SYT10: variants seen among roughly 807,000 people sequenced by gnomAD.
SYT10 encodes the protein synaptotagmin-10.
SYT10 carries 31 observed loss-of-function variants against 51.1 expected under a neutral mutation model. The ratio of observed to expected loss-of-function variants is 0.61; its 90% confidence interval spans 0.46 to 0.82. SYT10 has a LOEUF of 0.82. Ranked by LOEUF, SYT10 falls within the 40% of genes least tolerant of loss-of-function variation. The pLI is 0.00. For synonymous variants in SYT10, 233 were observed against 225.9 expected, an observed-to-expected ratio of 1.03 and a Z score of -0.28; for missense variants, 603 against 634.0, an observed-to-expected ratio of 0.95 and a Z score of 0.53.
intron 3 of SYT10, among the ~76,000 whole-genome samples, chr12:33,394,867 C>T (rs1866240437): frequency 6.6e-6 from 1 of 152,174 alleles, no homozygotes; most frequent in Non-Finnish European, 1.5e-5. Flanking sequence ...GCGGGCAGAC[C>T]ATGAGGTCAG....
intron 1 of SYT10, among the ~76,000 whole-genome samples, chr12:33,434,214 T>C (rs1233952985): frequency 6.6e-6 from 1 of 152,216 alleles, no homozygotes; most frequent in African/African-American, 2.4e-5. Context: ...GAACACACTC[T>C]GAAGAAAATC....
rs768233081 is a variant in SYT10 at position 33,376,170 on chromosome 12, A to G, written c.*660T>C. ...TGGCTCAGCCTCCGTTTTTCAGCCA[A>G]TAAGTATTACTTCTTAAATTTATAT... On this transcript the variant is annotated 3_prime_UTR_variant, in exon 7 of 7. Coordinates refer to ENST00000228567, the MANE Select transcript of SYT10 (RefSeq NM_198992.4). The G allele has an allele frequency of 6.6e-6, 1 of 152,220 alleles. No homozygotes were observed. The highest frequency in any genetic ancestry group is 2.4e-5 in the African/African-American group (1 of 41,460). The allele number at this position is 152,220 out of a possible 1,614,324, so 9.4% of individuals were successfully genotyped here.
intron 5 of SYT10, among the ~76,000 whole-genome samples, chr12:33,381,859 T>TA (rs1419366305): frequency 1.3e-5 from 2 of 152,336 alleles, no homozygotes; most frequent in East Asian, 3.9e-4. Flanking sequence ...TCCTTATGAC[T>TA]ACTTATTCAC....
intron 3 of SYT10, among the ~76,000 whole-genome samples, chr12:33,402,094 A>G (rs534789431): frequency 1.3e-5 from 2 of 152,288 alleles, no homozygotes; most frequent in East Asian, 3.9e-4. Context: ...CTACCTGAGC[A>G]CTACATTTCA....
chr12:33,381,273 A>G (rs1478894830), intron 5 of SYT10, among the ~76,000 whole-genome samples: 2 of 152,112 alleles, frequency 1.3e-5, no homozygotes, highest in East Asian at 3.8e-4. Context: ...GTGCTTGCAA[A>G]TGTTATTTTT....
At chr12:33,397,674 TG>T (rs778290466) in intron 3 of SYT10, among the ~76,000 whole-genome samples, 31 of 151,892 alleles carry the variant, frequency 2.0e-4, no homozygotes, top group Non-Finnish European at 3.7e-4. Context: ...AGATGCAGAC[TG>T]GTGAGGGAAC....
At chr12:33,433,691 A>T (rs1462489162) in intron 1 of SYT10, among the ~76,000 whole-genome samples, 12 of 152,204 alleles carry the variant, frequency 7.9e-5, no homozygotes, top group Non-Finnish European at 1.8e-4. Context: ...TGCTTGTTAT[A>T]TTTGGATGAT....
chr12:33,418,342 G>C (rs1866473029), intron 2 of SYT10, among the ~76,000 whole-genome samples: 1 of 152,024 alleles, frequency 6.6e-6, no homozygotes, highest in Non-Finnish European at 1.5e-5. Flanking sequence ...TCAACGCTCA[G>C]AAATTTATCC....
intron 1 of SYT10, among the ~76,000 whole-genome samples, chr12:33,436,571 A>C (rs1472203508): frequency 6.6e-6 from 1 of 152,200 alleles, no homozygotes; most frequent in Non-Finnish European, 1.5e-5. Context: ...TGAGATCCTC[A>C]ATGGCAACAA....
chr12:33,405,704 G>A (rs1417600253), intron 3 of SYT10: 6 of 151,508 alleles, frequency 4.0e-5, no homozygotes, highest in South Asian at 2.1e-4. Flanking sequence ...TGTAAGTTGC[G>A]ATACAACTCA....
rs767357670 is a variant in SYT10 at position 33,426,446 on chromosome 12, G to A, written c.201C>T (p.Ala67=). ...AGACAAAAAGTGAGACAACCAACAA[G>A]GCCAGTCCACAAAAGCTGACAACGA... ...LAVVVSFCGL[A]LLVVSLFVFW... Residue 67 remains alanine, a synonymous_variant, in exon 2 of 7, where the codon GCC becomes GCT. Transcript: ENST00000228567. The A allele has an allele frequency of 7.5e-6, 12 of 1,609,952 alleles. No individual in the cohort carries two copies. The highest frequency in any genetic ancestry group is 1.3e-5 in the African/African-American group (1 of 74,538).
At chr12:33,381,737 T>C (rs1259040863) in intron 5 of SYT10, among the ~76,000 whole-genome samples, 1 of 151,972 alleles carries the variant, frequency 6.6e-6, no homozygotes, top group Non-Finnish European at 1.5e-5. Flanking sequence ...CAGAGCTGCA[T>C]AGGGGAGGTT....
chr12:33,439,146 A>C (rs1394327668), intron 1 of SYT10, among the ~76,000 whole-genome samples: 2 of 152,204 alleles, frequency 1.3e-5, no homozygotes, highest in African/African-American at 4.8e-5. Flanking sequence ...CGGGAAGCGG[A>C]CCAGAGAATG....
intron 4 of SYT10, among the ~76,000 whole-genome samples, chr12:33,384,312 T>G (rs1866139809): frequency 6.6e-6 from 1 of 152,212 alleles, no homozygotes; most frequent in Non-Finnish European, 1.5e-5. Context: ...CTGGAGCTAT[T>G]TCCACACCAG....
At chr12:33,433,600 T>A (rs971890899) in intron 1 of SYT10, among the ~76,000 whole-genome samples, 2 of 152,180 alleles carry the variant, frequency 1.3e-5, no homozygotes, top group African/African-American at 4.8e-5. Context: ...CAATTATATT[T>A]GGCCAAGAAT....
chr12:33,430,081 G>T (rs1256348064), intron 1 of SYT10, among the ~76,000 whole-genome samples: 2 of 152,150 alleles, frequency 1.3e-5, no homozygotes, highest in Non-Finnish European at 2.9e-5. Flanking sequence ...AAGAGCTAAT[G>T]AAATAAACAG....
Position 33,439,241 on chromosome 12 carries a change from C to T in SYT10, c.151+131G>A. 3.4e-6 allele frequency: 4 copies of T among 1,187,438 alleles called. 1 individual carries two copies. The highest frequency in any genetic ancestry group is 4.8e-5 in the East Asian group (2 of 41,252). The allele number at this position is 1,187,438 out of a possible 1,614,324, so 73.6% of individuals were successfully genotyped here. A position where few individuals can be genotyped will look rare whatever the true frequency, so the allele number is the denominator to read the frequency against. On this transcript the variant is annotated intron_variant, in intron 1 of 6. Coordinates refer to ENST00000228567, the MANE Select transcript of SYT10 (RefSeq NM_198992.4). ...GTCAGGAGCTGAGCGAAGGAAGGAG[C>T]GAGGTAGGAAAGCGTGGCGCCCCAA...
intron 3 of SYT10, among the ~76,000 whole-genome samples, chr12:33,391,889 G>A (rs1329493881): frequency 1.3e-5 from 2 of 152,148 alleles, no homozygotes; most frequent in African/African-American, 4.8e-5. Flanking sequence ...TGCAGGAGAG[G>A]CATCTACTGT....
intron 2 of SYT10, among the ~76,000 whole-genome samples, chr12:33,420,527 C>T (rs975946278): frequency 2.0e-5 from 3 of 151,954 alleles, no homozygotes; most frequent in African/African-American, 4.8e-5. Flanking sequence ...TGGTGCGTGC[C>T]TGTAGTCCTG....
Sources: gnomAD v4.1 joint callset for allele counts (sites outside exome capture counted in the v4.1 genomes callset) on GRCh38, gnomAD v4.1.1 for gene constraint, MANE v1.5 for transcripts, NCBI Gene and HGNC (gene_info 2026-07-23, HGNC 2026-07-21) for gene names.